Variants in TMEM132C observed in about 807,000 individuals in gnomAD.
The protein encoded by TMEM132C is protein phosphatase 1, regulatory subunit 152.
A neutral mutation model predicts 61.4 loss-of-function variants in TMEM132C; 29 were observed. The ratio of observed to expected loss-of-function variants is 0.47; its 90% confidence interval spans 0.35 to 0.64. The LOEUF is 0.64. Among genes scored for constraint, TMEM132C ranks in the 30% least tolerant of loss-of-function variants. The probability of loss-of-function intolerance (pLI) is 0.00; values close to 1 mark genes in which losing one functional copy is unlikely to be tolerated. For synonymous variants in TMEM132C, 656 were observed against 633.1 expected (o/e 1.04, Z -0.54); for missense variants, 1,408 against 1,476.9 (o/e 0.95, Z 0.76).
intron 2 of TMEM132C, among the ~76,000 whole-genome samples, chr12:128,528,862 C>A (rs942191816): frequency 6.6e-6 from 1 of 152,048 alleles, no homozygotes; most frequent in Admixed American, 6.6e-5. Context: ...ATGAACATAC[C>A]CCTGAAGAGC....
At chr12:128,642,367 G>T (rs1277544665) in intron 4 of TMEM132C, among the ~76,000 whole-genome samples, 1 of 152,032 alleles carries the variant, frequency 6.6e-6, no homozygotes, top group Non-Finnish European at 1.5e-5. Flanking sequence ...CCTGAGCTCA[G>T]GTATTTCCTG....
intron 4 of TMEM132C, among the ~76,000 whole-genome samples, chr12:128,641,269 G>T (rs988747589): frequency 6.6e-6 from 1 of 152,086 alleles, no homozygotes; most frequent in Non-Finnish European, 1.5e-5. Context: ...ATAACACTAA[G>T]ACAACAACTG....
intron 1 of TMEM132C, among the ~76,000 whole-genome samples, chr12:128,339,232 C>T (rs1872882253): frequency 6.6e-6 from 1 of 151,908 alleles, no homozygotes; most frequent in African/African-American, 2.4e-5. Context: ...CCAAGGGCTT[C>T]CAGCTCTTAG....
intron 2 of TMEM132C, among the ~76,000 whole-genome samples, chr12:128,444,420 C>T (rs544262497): frequency 1.5e-4 from 23 of 152,312 alleles, no homozygotes; most frequent in Admixed American, 1.3e-3. Flanking sequence ...CAAGGGTCTG[C>T]GTCCAGAGGG....
Position 128,543,575 on chromosome 12 carries a change from A to G in TMEM132C, c.975-382A>G, listed in dbSNP as rs527263805. Reference sequence around the variant, plus strand: ...AACAACACCCCCCACACACACAGCCATGACAACTACAAGTATCTCCAGACA... The same window carrying G: ...AACAACACCCCCCACACACACAGCCGTGACAACTACAAGTATCTCCAGACA... On this transcript the variant is annotated intron_variant, in intron 2 of 8. Transcript: ENST00000435159. 1.1e-4 allele frequency among the ~76,000 whole-genome samples: 16 copies of G among 152,246 alleles called. No homozygotes were observed. In the South Asian group the frequency reaches 3.3e-3, roughly 32 times the overall value.
At chr12:128,542,086 TCA>T (rs1873779375) in intron 2 of TMEM132C, among the ~76,000 whole-genome samples, 1 of 152,194 alleles carries the variant, frequency 6.6e-6, no homozygotes, top group Admixed American at 6.5e-5. Flanking sequence ...CAGTCCTCAT[TCA>T]CTCCGATTTT....
At chr12:128,500,956 T>C (rs1180870615) in intron 2 of TMEM132C, among the ~76,000 whole-genome samples, 2 of 152,098 alleles carry the variant, frequency 1.3e-5, no homozygotes, top group Non-Finnish European at 2.9e-5. Flanking sequence ...AACAGAAGAA[T>C]TGATAAGCCA....
intron 1 of TMEM132C, among the ~76,000 whole-genome samples, chr12:128,322,241 G>A (rs1261249672): frequency 6.6e-6 from 1 of 152,216 alleles, no homozygotes; most frequent in Non-Finnish European, 1.5e-5. Context: ...GAGGCTGCCT[G>A]TAAGTGTTCC....
At chr12:128,528,463 TGG>T (rs1783037133) in intron 2 of TMEM132C, among the ~76,000 whole-genome samples, 1 of 152,198 alleles carries the variant, frequency 6.6e-6, no homozygotes. Flanking sequence ...ACAGTGTTTT[TGG>T]GGAGCGCGGC....
chr12:128,551,923 T>C (rs1046352846), intron 3 of TMEM132C, among the ~76,000 whole-genome samples: 18 of 152,308 alleles, frequency 1.2e-4, no homozygotes, highest in African/African-American at 4.1e-4. Flanking sequence ...GATAAAGGTT[T>C]CTGCCTCAAG....
At chr12:128,373,989 G>A (rs994258716) in intron 1 of TMEM132C, among the ~76,000 whole-genome samples, 1 of 152,158 alleles carries the variant, frequency 6.6e-6, no homozygotes, top group Non-Finnish European at 1.5e-5. Context: ...CTGGACCCTG[G>A]CTTAAGATCC....
chr12:128,585,773 T>G (rs548491337), intron 3 of TMEM132C, among the ~76,000 whole-genome samples: 80 of 152,342 alleles, frequency 5.3e-4, no homozygotes, highest in Admixed American at 1.5e-3. Context: ...TTATGCTCCA[T>G]GAAATCGGCC....
chr12:128,431,269 G>C (rs1483860273), intron 2 of TMEM132C, among the ~76,000 whole-genome samples: 1 of 152,216 alleles, frequency 6.6e-6, no homozygotes, highest in Non-Finnish European at 1.5e-5. Context: ...CATGGCTCTA[G>C]TTCTGTGAAA....
intron 4 of TMEM132C, among the ~76,000 whole-genome samples, chr12:128,619,750 A>G (rs774643255): frequency 7.2e-5 from 11 of 152,330 alleles, no homozygotes; most frequent in Admixed American, 1.3e-4. Context: ...TTTCGTACAT[A>G]AAGCTTTCAG....
intron 3 of TMEM132C, among the ~76,000 whole-genome samples, chr12:128,615,431 G>A (rs1331606573): frequency 6.6e-6 from 1 of 152,222 alleles, no homozygotes; most frequent in Non-Finnish European, 1.5e-5. Context: ...TCACCGTAAT[G>A]TAGAATCAGT....
In TMEM132C at chr12:128,272,694, G is replaced by C. The variant is rs527711917; in HGVS notation, c.85+5207G>C. Among the ~76,000 whole-genome samples the C allele has an allele frequency of 4.6e-4, 70 of 152,210 alleles. No homozygotes were observed. The Middle Eastern group carries it at 0.01, about 22-fold the overall frequency. ...ATATTATCCATTTTGTTTTGATTTT[G>C]TTTAGTCATTCTGATAGGTGTATAA... On this transcript the variant is annotated intron_variant, in intron 1 of 8. Transcript: ENST00000435159.
intron 2 of TMEM132C, among the ~76,000 whole-genome samples, chr12:128,436,714 C>A (rs1869605178): frequency 6.6e-6 from 1 of 152,166 alleles, no homozygotes; most frequent in Admixed American, 6.5e-5. Flanking sequence ...TAAACTAGTT[C>A]AATCATTGTG....
chr12:128,623,507 A>G (rs1032472288), intron 4 of TMEM132C, among the ~76,000 whole-genome samples: 2 of 151,742 alleles, frequency 1.3e-5, no homozygotes, highest in Non-Finnish European at 2.9e-5. Flanking sequence ...TTTAAAGATG[A>G]TAAGATGATA....
At chr12:128,446,117 G>A (rs899778051) in intron 2 of TMEM132C, among the ~76,000 whole-genome samples, 1 of 152,226 alleles carries the variant, frequency 6.6e-6, no homozygotes. Flanking sequence ...TGCCTTCTCA[G>A]ATTCAGTAAG....
Sources: allele counts gnomAD v4.1 joint callset (sites outside exome capture counted in the v4.1 genomes callset), GRCh38; gene constraint gnomAD v4.1.1; transcripts MANE v1.5; gene names NCBI Gene and HGNC (gene_info 2026-07-23, HGNC 2026-07-21).